CFAP263: variants seen among roughly 807,000 people sequenced by gnomAD.
The protein encoded by CFAP263 is cilia- and flagella-associated protein 263.
chr16:58,278,776 T>A, the CFAP263 span: 1 of 756,244 alleles, frequency 1.3e-6, no homozygotes, highest in Non-Finnish European at 2.1e-6. Context: ...CTTTAACTAT[T>A]AAACCAAGAC....
the CFAP263 span, among the ~76,000 whole-genome samples, chr16:58,271,628 T>G: frequency 3.3e-5 from 5 of 152,218 alleles, no homozygotes; most frequent in African/African-American, 1.2e-4. Flanking sequence ...GTCAGGTTTT[T>G]GTAGAATGTT....
the CFAP263 span, chr16:58,258,670 A>G: frequency 1.5e-6 from 1 of 682,266 alleles, no homozygotes; most frequent in South Asian, 1.9e-5. Context: ...CTGAAAGTGT[A>G]TGTGTATATG....
the CFAP263 span, chr16:58,258,492 T>C: frequency 6.8e-6 from 11 of 1,613,900 alleles, no homozygotes; most frequent in East Asian, 2.5e-4. Flanking sequence ...CAGAAAGTGA[T>C]GAAATACATT....
At chr16:58,269,119 G>A in the CFAP263 span, among the ~76,000 whole-genome samples, 1 of 152,078 alleles carries the variant, frequency 6.6e-6, no homozygotes, top group Non-Finnish European at 1.5e-5. Flanking sequence ...CATCATTTGA[G>A]GTCAGGAGTT....
At chr16:58,258,720 T>C in the CFAP263 span, among the ~76,000 whole-genome samples, 2 of 152,174 alleles carry the variant, frequency 1.3e-5, no homozygotes, top group Admixed American at 6.5e-5. Context: ...GTGCAGTGGC[T>C]CATGCCTGTA....
chr16:58,264,635 C>T, the CFAP263 span, among the ~76,000 whole-genome samples: 1 of 152,088 alleles, frequency 6.6e-6, no homozygotes, highest in African/African-American at 2.4e-5. Flanking sequence ...GTAAGTGTTG[C>T]GTCCCCAGCA....
the CFAP263 span, among the ~76,000 whole-genome samples, chr16:58,256,155 C>G: frequency 6.6e-6 from 1 of 152,228 alleles, no homozygotes; most frequent in Non-Finnish European, 1.5e-5. Context: ...AGACTCATGT[C>G]TCCCATTGAT....
chr16:58,278,627 A>G, the CFAP263 span: 1 of 1,614,122 alleles, frequency 6.2e-7, no homozygotes, highest in Admixed American at 1.7e-5. Flanking sequence ...AGGAAAGTGG[A>G]GATAGCAGAG....
chr16:58,250,764 CA>C, the CFAP263 span, among the ~76,000 whole-genome samples: 1,945 of 101,840 alleles, frequency 0.019, 17 homozygotes, highest in East Asian at 0.038. Flanking sequence ...GACTAAGTCT[CA>C]AAAAAAAAAA....
the CFAP263 span, among the ~76,000 whole-genome samples, chr16:58,276,065 G>A: frequency 6.6e-6 from 1 of 152,042 alleles, no homozygotes; most frequent in Non-Finnish European, 1.5e-5. Flanking sequence ...AAAACCACAA[G>A]GAGCTAATAA....
the CFAP263 span, chr16:58,258,314 A>C: frequency 6.4e-7 from 1 of 1,551,218 alleles, no homozygotes; most frequent in Admixed American, 1.8e-5. Context: ...CTTAGAAGAC[A>C]CATCCTTGAA....
chr16:58,258,621 C>A, the CFAP263 span: 2 of 1,134,766 alleles, frequency 1.8e-6, no homozygotes, highest in Non-Finnish European at 2.5e-6. Context: ...TTTGGTCCAC[C>A]ATAAATGTTG....
the CFAP263 span, chr16:58,262,577 C>T: frequency 6.5e-7 from 1 of 1,547,980 alleles, no homozygotes; most frequent in East Asian, 2.3e-5. Flanking sequence ...TCCCCCAAGG[C>T]TTTCCACACT....
chr16:58,262,763 G>GTAGATAGATAGA, the CFAP263 span, among the ~76,000 whole-genome samples: 679 of 78,506 alleles, frequency 8.6e-3, 3 homozygotes, highest in South Asian at 0.014. Flanking sequence ...TAGATGATAG[G>GTAGATAGATAGA]TAGATAGATA....
At chr16:58,252,649 T>C in the CFAP263 span, 2 of 1,299,628 alleles carry the variant, frequency 1.5e-6, no homozygotes, top group African/African-American at 1.5e-5. Flanking sequence ...GTTTTGCAGG[T>C]CTACTAGTTA....
At chr16:58,259,957 C>A in the CFAP263 span, 1 of 1,494,752 alleles carries the variant, frequency 6.7e-7, no homozygotes, top group Non-Finnish European at 9.3e-7. Context: ...TTTTCTCTCT[C>A]TCTCTGTTTC....
At chr16:58,255,572 C>CT in the CFAP263 span, among the ~76,000 whole-genome samples, 1,249 of 140,870 alleles carry the variant, frequency 8.9e-3, 13 homozygotes, top group East Asian at 0.058. Flanking sequence ...GCATTTCTTT[C>CT]TTTTTTTTTT....
the CFAP263 span, chr16:58,260,086 T>C: frequency 1.4e-5 from 8 of 568,592 alleles, no homozygotes; most frequent in Non-Finnish European, 2.5e-5. Flanking sequence ...ATTTTGCAGA[T>C]GTGATTAATT....
the CFAP263 span, among the ~76,000 whole-genome samples, chr16:58,266,391 ATATATATATATATATTTTTTTT>A: frequency 3.0e-5 from 1 of 33,536 alleles, no homozygotes; most frequent in Non-Finnish European, 5.9e-5. Context: ...ATATATATAT[ATATATATATATATATTTTTTTT>A]TTTTTTTTTT....
Sources: gnomAD v4.1 joint callset for allele counts (sites outside exome capture counted in the v4.1 genomes callset) on GRCh38, gnomAD v4.1.1 for gene constraint, MANE v1.5 for transcripts, NCBI Gene and HGNC (gene_info 2026-07-23, HGNC 2026-07-21) for gene names.